KAZN: variants seen among roughly 807,000 people sequenced by gnomAD.
KAZN encodes kazrin.
In KAZN, 40 loss-of-function variants were observed where a neutral mutation model predicts 87.4. The ratio of observed to expected loss-of-function variants is 0.46; its 90% CI spans 0.36 to 0.60. The LOEUF is 0.60. Ranked by LOEUF, KAZN falls within the 20% of genes least tolerant of loss-of-function variation. KAZN has a pLI of 0.00. For missense variants in KAZN, 898 were observed against 1,073.9 expected (o/e 0.84, Z 2.29); for synonymous variants, 466 against 458.3 (o/e 1.02, Z -0.22).
At chr1:13,959,335 T>G (rs1641667411) in intron 1 of KAZN, among the ~76,000 whole-genome samples, 1 of 152,196 alleles carries the variant, frequency 6.6e-6, no homozygotes, top group Non-Finnish European at 1.5e-5. Flanking sequence ...GAATCTCTAT[T>G]GCAGTAGCTC....
chr1:14,522,908 T>C (rs774485612), intron 2 of KAZN, among the ~76,000 whole-genome samples: 35 of 152,186 alleles, frequency 2.3e-4, no homozygotes, highest in Non-Finnish European at 1.9e-4. Flanking sequence ...TTCCACCTCA[T>C]TGATTCTCTG....
intron 1 of KAZN, among the ~76,000 whole-genome samples, chr1:14,657,838 GTGTT>G (rs113604542): frequency 0.073 from 11,130 of 152,100 alleles, 1,352 homozygotes; most frequent in African/African-American, 0.25. Flanking sequence ...CCTGCTCCTA[GTGTT>G]TGTTTGTTTG....
intron 1 of KAZN, among the ~76,000 whole-genome samples, chr1:14,653,486 G>A (rs528565944): frequency 6.6e-6 from 1 of 152,324 alleles, no homozygotes; most frequent in Non-Finnish European, 1.5e-5. Flanking sequence ...GTAGGCCCGG[G>A]GCGGCCAGAC....
chr1:13,898,235 A>G (rs539137751), intron 1 of KAZN, among the ~76,000 whole-genome samples: 18 of 152,168 alleles, frequency 1.2e-4, no homozygotes, highest in Non-Finnish European at 1.9e-4. Flanking sequence ...TCCCTTGTCT[A>G]TATTCTCCTG....
intron 2 of KAZN, among the ~76,000 whole-genome samples, chr1:14,384,891 G>A (rs902048352): frequency 3.2e-4 from 48 of 151,918 alleles, no homozygotes; most frequent in African/African-American, 1.1e-3. Context: ...AGAAGGAATG[G>A]TACCAGTTCC....
At chr1:14,107,395 G>C (rs1039847108) in intron 1 of KAZN, among the ~76,000 whole-genome samples, 3 of 151,138 alleles carry the variant, frequency 2.0e-5, no homozygotes, top group African/African-American at 4.9e-5. Flanking sequence ...TTGTTTTTTT[G>C]CCTGCTTTGT....
chr1:14,084,009 G>T (rs748474018), intron 1 of KAZN, among the ~76,000 whole-genome samples: 30 of 152,184 alleles, frequency 2.0e-4, no homozygotes, highest in Non-Finnish European at 4.3e-4. Context: ...ATCACACACA[G>T]ATTTACATTT....
chr1:14,269,007 G>C (rs1323309150), intron 2 of KAZN, among the ~76,000 whole-genome samples: 4 of 152,180 alleles, frequency 2.6e-5, no homozygotes, highest in African/African-American at 9.7e-5. Context: ...TACCAGATTT[G>C]CTACCGGAGC....
At chr1:14,391,454 C>T (rs1276250471) in intron 2 of KAZN, 1 of 152,424 alleles carries the variant, frequency 6.6e-6, no homozygotes, top group Non-Finnish European at 1.5e-5. Flanking sequence ...CTCAAGGTAA[C>T]TTACTCCGGG....
At chr1:14,081,311 A>G (rs1557459871) in intron 1 of KAZN, among the ~76,000 whole-genome samples, 1 of 152,110 alleles carries the variant, frequency 6.6e-6, no homozygotes, top group South Asian at 2.1e-4. Context: ...ACTGCAGTAC[A>G]TTATCTGTGA....
intron 2 of KAZN, among the ~76,000 whole-genome samples, chr1:14,383,866 C>T (rs1661613258): frequency 6.6e-6 from 1 of 151,886 alleles, no homozygotes; most frequent in African/African-American, 2.4e-5. Flanking sequence ...TCATTGGTAG[C>T]TTGATGGGGA....
At chr1:13,906,656 C>T (rs1424120182) in intron 1 of KAZN, among the ~76,000 whole-genome samples, 5 of 152,204 alleles carry the variant, frequency 3.3e-5, no homozygotes. Flanking sequence ...ACAGCCAGAA[C>T]TGACCTTAAG....
At chr1:14,410,386 G>C (rs1276626670) in intron 2 of KAZN, among the ~76,000 whole-genome samples, 1 of 152,208 alleles carries the variant, frequency 6.6e-6, no homozygotes, top group Non-Finnish European at 1.5e-5. Flanking sequence ...ATAGGTGTGA[G>C]TCGCCATTCC....
intron 1 of KAZN, among the ~76,000 whole-genome samples, chr1:14,893,039 A>T (rs1654884959): frequency 6.6e-6 from 1 of 152,236 alleles, no homozygotes; most frequent in East Asian, 1.9e-4. Flanking sequence ...CATAAGGCTG[A>T]TGATCTACAG....
chr1:14,686,564 C>T (rs1640963133), intron 1 of KAZN, among the ~76,000 whole-genome samples: 1 of 152,226 alleles, frequency 6.6e-6, no homozygotes, highest in Non-Finnish European at 1.5e-5. Context: ...TCTTAATGGA[C>T]TGTGGGAACA....
At chr1:14,085,346 T>G (rs1416829710) in intron 1 of KAZN, among the ~76,000 whole-genome samples, 1 of 152,230 alleles carries the variant, frequency 6.6e-6, no homozygotes, top group Non-Finnish European at 1.5e-5. Flanking sequence ...ACGTATGTAG[T>G]CTTGTAACCA....
intron 2 of KAZN, among the ~76,000 whole-genome samples, chr1:14,417,182 TAAA>T (rs59936555): frequency 3.0e-5 from 4 of 133,234 alleles, no homozygotes; most frequent in Admixed American, 2.3e-4. Context: ...TGTCTCAAAA[TAAA>T]AAAAAAAAAA....
chr1:15,049,378 C>T (rs1030505831), intron 4 of KAZN, among the ~76,000 whole-genome samples: 5 of 152,238 alleles, frequency 3.3e-5, no homozygotes, highest in Admixed American at 1.3e-4. Context: ...GCACCATAGA[C>T]GTTTGGGGCC....
At chr1:14,328,661 C>T (rs141249679) in intron 2 of KAZN, among the ~76,000 whole-genome samples, 4,177 of 149,548 alleles carry the variant, frequency 0.028, 215 homozygotes, top group African/African-American at 0.097. Flanking sequence ...CGAGATTGCA[C>T]CACTGTACTC....
Sources: gnomAD v4.1 joint callset for allele counts (sites outside exome capture counted in the v4.1 genomes callset) on GRCh38, gnomAD v4.1.1 for gene constraint, MANE v1.5 for transcripts, NCBI Gene and HGNC (gene_info 2026-07-23, HGNC 2026-07-21) for gene names.